CSNK2A2: variants seen among roughly 807,000 people sequenced by gnomAD.
The protein encoded by CSNK2A2 is casein kinase II subunit alpha'.
Under a neutral mutation model 54.0 loss-of-function variants are expected in CSNK2A2, and 8 were observed. The observed-to-expected ratio is 0.15, with a 90% confidence interval of 0.09 to 0.27. CSNK2A2 has a LOEUF of 0.27. Ranked by LOEUF, CSNK2A2 falls within the 10% of genes least tolerant of loss-of-function variation. The pLI is 1.00. For synonymous variants in CSNK2A2, 141 were observed against 153.9 expected (o/e 0.92, Z 0.62); for missense variants, 242 against 439.4 (o/e 0.55, Z 4.02).
In CSNK2A2 at chr16:58,161,908, C is replaced by A. The variant is rs1051283786; in HGVS notation, c.*17+2146G>T. 2.6e-5 allele frequency: 4 copies of A among 152,240 alleles called. No homozygotes were observed. The South Asian group carries it at 8.3e-4, about 32-fold the overall frequency. 9.4% of individuals were successfully genotyped at this position (152,240 alleles called of 1,614,324 possible). A position where few individuals can be genotyped will look rare whatever the true frequency, so the allele number is the denominator to read the frequency against. ...TTACAAAACCCCAGGACAAGGCAGGCAGGCGGTGTCTGCACCTACATCACC... is the reference window on the plus strand; with the variant it reads ...TTACAAAACCCCAGGACAAGGCAGGAAGGCGGTGTCTGCACCTACATCACC... On this transcript the variant is annotated intron_variant, in intron 11 of 11. Transcript: ENST00000262506.
chr16:58,171,046 C>T, intron 5 of CSNK2A2, among the ~76,000 whole-genome samples: 1 of 152,034 alleles, frequency 6.6e-6, no homozygotes, highest in East Asian at 1.9e-4. Flanking sequence ...AGATTTTGCC[C>T]AATGTCCCCT....
rs1419361114 is a variant in CSNK2A2, at chr16:58,166,621, T to C, written c.790A>G (p.Ile264Val). 2 of 1,612,678 alleles carry C rather than the reference T, an allele frequency of 1.2e-6. No individual in the cohort carries two copies. The highest frequency in any genetic ancestry group is 2.2e-5 in the East Asian group (1 of 44,820). ...ELYGYLKKYH[I>V]DLDPHFNDIL... ...TCGTTGAAGTGTGGATCTAGGTCTA[T>C]GTGATACTTCTTCAGATACCCATAC... The change falls in exon 9 of 12, where the codon ATA becomes GTA. Residue 264 changes from isoleucine (I) to valine (V), a missense_variant. Coordinates refer to ENST00000262506, the MANE Select transcript of CSNK2A2 (RefSeq NM_001896.4).
chr16:58,170,063 A>G (rs1055192233), intron 5 of CSNK2A2, among the ~76,000 whole-genome samples: 6 of 152,166 alleles, frequency 3.9e-5, no homozygotes, highest in African/African-American at 1.2e-4. Context: ...TTATCATTAC[A>G]TATTATTCCA....
intron 4 of CSNK2A2, among the ~76,000 whole-genome samples, chr16:58,177,802 C>G (rs1185547650): frequency 6.6e-6 from 1 of 152,074 alleles, no homozygotes; most frequent in Admixed American, 6.5e-5. Flanking sequence ...TACATAAAGT[C>G]CAAGCAAAAG....
At chr16:58,179,491 G>C (rs1387742492) in intron 4 of CSNK2A2, among the ~76,000 whole-genome samples, 1 of 144,332 alleles carries the variant, frequency 6.9e-6, no homozygotes, top group Non-Finnish European at 1.5e-5. Context: ...AGAGATAGAG[G>C]CTCTGTCTCA....
At chr16:58,190,587 A>G (rs1226024843) in intron 2 of CSNK2A2, among the ~76,000 whole-genome samples, 1 of 152,238 alleles carries the variant, frequency 6.6e-6, no homozygotes, top group Non-Finnish European at 1.5e-5. Context: ...TTCAAGTTTC[A>G]TCACCCCAAT....
At chr16:58,187,479 T>C (rs1221518907) in intron 2 of CSNK2A2, among the ~76,000 whole-genome samples, 1 of 152,218 alleles carries the variant, frequency 6.6e-6, no homozygotes, top group East Asian at 1.9e-4. Context: ...ATCAATCTGA[T>C]ACAACAGTGA....
intron 10 of CSNK2A2, among the ~76,000 whole-genome samples, chr16:58,164,994 T>C (rs1327807420): frequency 6.6e-6 from 1 of 152,190 alleles, no homozygotes; most frequent in Non-Finnish European, 1.5e-5. Flanking sequence ...GGAAGTTTAT[T>C]TGAAACACAC....
intron 9 of CSNK2A2, 120 bp from the exon 10 acceptor site, chr16:58,165,828 C>G (rs947743128): frequency 4.7e-6 from 5 of 1,061,594 alleles, no homozygotes; most frequent in Non-Finnish European, 6.6e-6. Flanking sequence ...TGTTAAATCT[C>G]TAACTGGTGC....
At chr16:58,170,477 T>C (rs1196511955) in intron 5 of CSNK2A2, among the ~76,000 whole-genome samples, 5 of 152,112 alleles carry the variant, frequency 3.3e-5, no homozygotes, top group Admixed American at 6.6e-5. Context: ...CATGCTTTCA[T>C]TTCCCTTGGG....
chr16:58,176,680 T>G (rs563930085), intron 4 of CSNK2A2, among the ~76,000 whole-genome samples: 1 of 152,134 alleles, frequency 6.6e-6, no homozygotes, highest in South Asian at 2.1e-4. Flanking sequence ...CTAGCCCTAC[T>G]CCACCTTAGC....
intron 10 of CSNK2A2, 35 bp downstream of exon 10, chr16:58,165,525 G>C (rs1397138462): frequency 1.9e-6 from 3 of 1,566,446 alleles, no homozygotes; most frequent in Non-Finnish European, 2.6e-6. Flanking sequence ...TCTCTTGACT[G>C]AATTACTCCC....
At chr16:58,194,659 G>A (rs1962388910) in intron 2 of CSNK2A2, among the ~76,000 whole-genome samples, 1 of 152,190 alleles carries the variant, frequency 6.6e-6, no homozygotes, top group African/African-American at 2.4e-5. Context: ...TGAACAGTAA[G>A]AGATATGAAG....
In CSNK2A2 at chr16:58,165,559, CA is replaced by C; in HGVS notation, c.976del (p.Tyr326ThrfsTer4). On this transcript the variant is annotated frameshift_variant and splice_region_variant, in exon 10 of 12. Transcript: ENST00000262506. LOFTEE classifies it high-confidence loss of function. ...AKEAMEHPYF[Y>X]PVVKEQSQPC... Reference sequence around the variant, plus strand: ...CCTGAACACAGTCCCTGGAGACTCACAGAAGTATGGGTGCTCCATGGCCTCT... The same window carrying C: ...CCTGAACACAGTCCCTGGAGACTCACGAAGTATGGGTGCTCCATGGCCTCT... The C allele has an allele frequency of 6.2e-7, 1 of 1,608,806 alleles. No individual in the cohort carries two copies. The highest frequency in any genetic ancestry group is 8.5e-7 in the Non-Finnish European group (1 of 1,178,408).
intron 6 of CSNK2A2, among the ~76,000 whole-genome samples, chr16:58,168,362 C>T (rs1198058157): frequency 6.6e-6 from 1 of 152,162 alleles, no homozygotes; most frequent in African/African-American, 2.4e-5. Flanking sequence ...CTTTCTGAGG[C>T]CCTCCAGAAA....
Position 58,158,134 on chromosome 16 carries a change from G to A in CSNK2A2, c.*237C>T, listed in dbSNP as rs575804444. On this transcript the variant is annotated 3_prime_UTR_variant, in exon 12 of 12. Transcript: ENST00000262506. Reference sequence around the variant, plus strand: ...TCACATTCCCCATGCTTTCTGGGTCGGGAAGAAGTCAACAGGAAGCCAAAG... The same window carrying A: ...TCACATTCCCCATGCTTTCTGGGTCAGGAAGAAGTCAACAGGAAGCCAAAG... 5 of 152,542 alleles carry A rather than the reference G, an allele frequency of 3.3e-5. No individual in the cohort carries two copies. The highest frequency in any genetic ancestry group is 4.4e-5 in the Non-Finnish European group (3 of 68,044). 9.4% of individuals were successfully genotyped at this position (152,542 alleles called of 1,614,324 possible). A position where few individuals can be genotyped will look rare whatever the true frequency, so the allele number is the denominator to read the frequency against.
At chr16:58,174,118 T>C (rs1004957151) in intron 5 of CSNK2A2, 1 of 179,800 alleles carries the variant, frequency 5.6e-6, no homozygotes, top group Non-Finnish European at 1.1e-5. Context: ...CAATAATCAT[T>C]TTTTAAAAGT....
At chr16:58,162,835 A>G (rs980293516) in intron 11 of CSNK2A2, 24 of 152,284 alleles carry the variant, frequency 1.6e-4, no homozygotes, top group African/African-American at 5.3e-4. Context: ...AATGGATCCA[A>G]CACTTGCTCC....
rs1777515054 is a variant in CSNK2A2 at position 58,168,629 on chromosome 16, A to G, written c.494T>C (p.Ile165Thr). The G allele has an allele frequency of 6.2e-7, 1 of 1,613,800 alleles. No homozygotes were observed. Among genetic ancestry groups the G allele is most frequent in the Admixed American group, 1.7e-5 (1 of 60,000 alleles). ...TGGTACCTTTTTCTGTTGGTGATCT[A>G]TCATGACATTGTGAGGTTTCACATC... ...HRDVKPHNVM[I>T]DHQQKKLRLI... Residue 165 changes from isoleucine to threonine, a missense_variant, in exon 6 of 12, where the codon ATA becomes ACA. Transcript: ENST00000262506.
Sources: gnomAD v4.1 joint callset for allele counts (sites outside exome capture counted in the v4.1 genomes callset) on GRCh38, gnomAD v4.1.1 for gene constraint, MANE v1.5 for transcripts, NCBI Gene and HGNC (gene_info 2026-07-23, HGNC 2026-07-21) for gene names.